Variants in PPP3R1 observed in about 807,000 individuals in gnomAD.
The protein encoded by PPP3R1 is protein phosphatase 3 regulatory subunit B, alpha, also known as calcineurin subunit B type 1.
In PPP3R1, 5 loss-of-function variants were observed where a neutral mutation model predicts 22.6. The observed-to-expected ratio is 0.22, with a 90% CI of 0.12 to 0.46. The LOEUF is 0.46. Ranked by LOEUF, PPP3R1 falls within the 20% of genes least tolerant of loss-of-function variation. The probability of loss-of-function intolerance (pLI) is 0.99; values close to 1 mark genes in which losing one functional copy is unlikely to be tolerated. For synonymous variants in PPP3R1, 56 were observed against 65.2 expected, an observed-to-expected ratio of 0.86 and a Z score of 0.68; for missense variants, 61 against 203.2, an observed-to-expected ratio of 0.30 and a Z score of 4.25.
chr2:68,223,721 A>C (rs1359181749), intron 1 of PPP3R1, among the ~76,000 whole-genome samples: 1 of 151,878 alleles, frequency 6.6e-6, no homozygotes, highest in African/African-American at 2.4e-5. Flanking sequence ...ATCTACAAAA[A>C]TTCTTCAAAA....
chr2:68,209,921 A>C (rs1403795190), intron 2 of PPP3R1, among the ~76,000 whole-genome samples: 7 of 152,210 alleles, frequency 4.6e-5, no homozygotes, highest in Non-Finnish European at 1.0e-4. Flanking sequence ...ACCCAAACTC[A>C]TAAACAAGCA....
chr2:68,202,873 G>A (rs1675015036), intron 2 of PPP3R1, among the ~76,000 whole-genome samples: 1 of 128,130 alleles, frequency 7.8e-6, no homozygotes, highest in South Asian at 2.4e-4. Flanking sequence ...CATGATCTCA[G>A]CTCACTGCAA....
At chr2:68,191,557 A>G (rs1674669363) in intron 2 of PPP3R1, among the ~76,000 whole-genome samples, 1 of 152,166 alleles carries the variant, frequency 6.6e-6, no homozygotes, top group Non-Finnish European at 1.5e-5. Flanking sequence ...TAAACTCTGT[A>G]CACTTAGGCT....
At chr2:68,185,673 T>C (rs1203052828) in intron 5 of PPP3R1, among the ~76,000 whole-genome samples, 1 of 152,024 alleles carries the variant, frequency 6.6e-6, no homozygotes, top group Non-Finnish European at 1.5e-5. Context: ...CTCCACCAAA[T>C]GCCAGTTCAC....
intron 2 of PPP3R1, among the ~76,000 whole-genome samples, chr2:68,197,787 G>A (rs1016642495): frequency 6.6e-6 from 1 of 151,788 alleles, no homozygotes; most frequent in African/African-American, 2.4e-5. Context: ...TTTCATAGGT[G>A]TATTTTTAAA....
chr2:68,250,954 A>T (rs1235270933), intron 1 of PPP3R1: 1 of 152,272 alleles, frequency 6.6e-6, no homozygotes, highest in Non-Finnish European at 1.5e-5. Context: ...ACAGGGTGGG[A>T]TACCATACAG....
At position 68,186,662 on chromosome 2, in the gene PPP3R1, A is replaced by C. The variant is rs753910402; in HGVS notation, c.281-10T>G. Reference sequence around the variant, plus strand: ...TAGATACGGAAAGCAACTAAAAAAAAGGAAGGAAAATCAATTCCAATTACA... The same window carrying C: ...TAGATACGGAAAGCAACTAAAAAAACGGAAGGAAAATCAATTCCAATTACA... On this transcript the variant is annotated splice_polypyrimidine_tract_variant and intron_variant, in intron 4 of 5. Transcript: ENST00000234310. 29 of 1,589,528 alleles carry C rather than the reference A, an allele frequency of 1.8e-5. No homozygotes were observed. The highest frequency in any genetic ancestry group is 2.3e-5 in the Non-Finnish European group (27 of 1,166,196).
chr2:68,226,056 T>C (rs1034754550), intron 1 of PPP3R1, among the ~76,000 whole-genome samples: 3 of 152,134 alleles, frequency 2.0e-5, no homozygotes, highest in South Asian at 2.1e-4. Flanking sequence ...AAAAGCAATA[T>C]GCTAAGTAAA....
chr2:68,242,203 C>T (rs370822202), intron 1 of PPP3R1, among the ~76,000 whole-genome samples: 4 of 152,076 alleles, frequency 2.6e-5, no homozygotes, highest in South Asian at 2.1e-4. Flanking sequence ...CTGAAGCAAG[C>T]GGATCATGAG....
rs1558625202 is a variant in PPP3R1 at position 68,180,875 on chromosome 2, TACAC to T, written c.*84_*87del. 2.3e-6 allele frequency: 3 copies of T among 1,326,852 alleles called. No homozygotes were observed. The highest frequency in any genetic ancestry group is 4.7e-5 in the East Asian group (2 of 42,152). 82.2% of individuals were successfully genotyped at this position (1,326,852 alleles called of 1,614,324 possible). On this transcript the variant is annotated 3_prime_UTR_variant, in exon 6 of 6. Transcript: ENST00000234310. The stretch of plus-strand genomic sequence containing the variant: ...ACAGAGAAAAATACTTCCATTTAAA[TACAC>T]AGAGAGCATTGCTGGACGTCTTGAG...
intron 1 of PPP3R1, among the ~76,000 whole-genome samples, chr2:68,242,867 G>A (rs1670160853): frequency 6.6e-6 from 1 of 152,198 alleles, no homozygotes; most frequent in Non-Finnish European, 1.5e-5. Flanking sequence ...AGGGCCAAGG[G>A]TAACATCCTT....
intron 1 of PPP3R1, among the ~76,000 whole-genome samples, chr2:68,251,731 C>T (rs142959722): frequency 1.3e-5 from 2 of 152,090 alleles, no homozygotes; most frequent in East Asian, 3.9e-4. Flanking sequence ...ACTCGAAAAA[C>T]AGAGTGAGTG....
At chr2:68,217,032 AC>A in intron 2 of PPP3R1, 59 bp downstream of exon 2, 1 of 1,227,334 alleles carries the variant, frequency 8.1e-7, no homozygotes, top group Non-Finnish European at 1.1e-6. Context: ...ACACACACAC[AC>A]ACACACAGAG....
intron 2 of PPP3R1, among the ~76,000 whole-genome samples, chr2:68,197,105 A>G (rs1352824520): frequency 6.6e-6 from 1 of 152,228 alleles, no homozygotes; most frequent in Non-Finnish European, 1.5e-5. Context: ...TGGTTATATA[A>G]GTTTTGACAA....
intron 1 of PPP3R1, among the ~76,000 whole-genome samples, chr2:68,228,802 A>C (rs1363609584): frequency 6.6e-6 from 1 of 151,996 alleles, no homozygotes; most frequent in Non-Finnish European, 1.5e-5. Flanking sequence ...TTCCCTCTCT[A>C]AACTGCTTTA....
Position 68,232,122 on chromosome 2 carries a change from T to TAC in PPP3R1, c.4-14992_4-14991insGT, listed in dbSNP as rs1165774321. Among the ~76,000 whole-genome samples the TAC allele has an allele frequency of 5.4e-4, 26 of 48,166 alleles. 3 individuals are homozygous for TAC. The Middle Eastern group carries it at 0.042, about 77-fold the overall frequency. 31.6% of individuals were successfully genotyped at this position (48,166 alleles called of 152,430 possible). ...AAAAAAAAAAAAATATATATATATA[T>TAC]ATACACACACACACACATATATATG... On this transcript the variant is annotated intron_variant, in intron 1 of 5. Transcript: ENST00000234310.
chr2:68,201,982 G>T (rs1326851861), intron 2 of PPP3R1, among the ~76,000 whole-genome samples: 6 of 152,092 alleles, frequency 3.9e-5, no homozygotes, highest in Non-Finnish European at 8.8e-5. Flanking sequence ...TTGGCAATCA[G>T]AATGCTTTTA....
rs189505584 is a variant in PPP3R1, at chr2:68,229,899, C to A, written c.4-12768G>T. 2.1e-5 allele frequency among the ~76,000 whole-genome samples: 3 copies of A among 143,708 alleles called. No homozygotes were observed. The South Asian group carries it at 6.6e-4, about 32-fold the overall frequency. 94.3% of individuals were successfully genotyped at this position (143,708 alleles called of 152,430 possible). A position where few individuals can be genotyped will look rare whatever the true frequency, so the allele number is the denominator to read the frequency against. On this transcript the variant is annotated intron_variant, in intron 1 of 5. Coordinates refer to ENST00000234310, the MANE Select transcript of PPP3R1 (RefSeq NM_000945.4). ...GTATGTATGTGTGTATATATATATA[C>A]GGGTGTGTGTGTATATGTGTATATA...
chr2:68,236,251 T>C (rs1329177349), intron 1 of PPP3R1, among the ~76,000 whole-genome samples: 1 of 152,150 alleles, frequency 6.6e-6, no homozygotes, highest in East Asian at 1.9e-4. Context: ...TATGTGAACA[T>C]GCGTTTGTAA....
Sources: gnomAD v4.1 joint callset for allele counts (sites outside exome capture counted in the v4.1 genomes callset) on GRCh38, gnomAD v4.1.1 for gene constraint, MANE v1.5 for transcripts, NCBI Gene and HGNC (gene_info 2026-07-23, HGNC 2026-07-21) for gene names.